Variants in DNAH11 observed in about 807,000 individuals in gnomAD.
DNAH11 encodes dynein axonemal heavy chain 11, also known as axonemal beta dynein heavy chain 11.
Under a neutral mutation model 526.0 loss-of-function variants are expected in DNAH11, and 442 were observed. That is an observed-to-expected ratio of 0.84 (90% CI 0.78 to 0.91). The LOEUF (loss-of-function observed/expected upper bound fraction) is 0.91. Ranked by LOEUF, DNAH11 falls within the 40% of genes least tolerant of loss-of-function variation. DNAH11 has a pLI of 0.00. For missense variants in DNAH11, 6,989 were observed against 5,448.7 expected, an observed-to-expected ratio of 1.28 and a Z score of -8.90; for synonymous variants, 2,461 against 1,935.9, an observed-to-expected ratio of 1.27 and a Z score of -7.12.
chr7:21,762,017 G>T (rs117664672), intron 54 of DNAH11, among the ~76,000 whole-genome samples: 1 of 152,164 alleles, frequency 6.6e-6, no homozygotes, highest in South Asian at 2.1e-4. Flanking sequence ...TCAGATGGCC[G>T]CATCTGAAGT....
chr7:21,791,023 G>A (rs535860399), intron 61 of DNAH11, among the ~76,000 whole-genome samples: 62 of 152,304 alleles, frequency 4.1e-4, no homozygotes, highest in African/African-American at 1.4e-3. Flanking sequence ...ATCCTGTTAT[G>A]GCCTCAGCTC....
At chr7:21,849,376 A>G (rs763347904) in intron 66 of DNAH11, among the ~76,000 whole-genome samples, 2 of 152,200 alleles carry the variant, frequency 1.3e-5, no homozygotes, top group Admixed American at 6.5e-5. Context: ...ATAAACTAAC[A>G]TATTTTATCT....
At chr7:21,864,226 A>T (rs1203073201) in intron 69 of DNAH11, among the ~76,000 whole-genome samples, 1 of 152,228 alleles carries the variant, frequency 6.6e-6, no homozygotes, top group Non-Finnish European at 1.5e-5. Flanking sequence ...AAGTGTTAAG[A>T]CAAGTTTGAT....
chr7:21,672,916 A>C (rs1015760209), intron 30 of DNAH11, among the ~76,000 whole-genome samples: 1 of 152,180 alleles, frequency 6.6e-6, no homozygotes, highest in Admixed American at 6.6e-5. Context: ...ATTGTCCTAC[A>C]TGGTGAACCC....
intron 70 of DNAH11, among the ~76,000 whole-genome samples, chr7:21,864,920 G>T (rs1312763962): frequency 6.6e-6 from 1 of 152,166 alleles, no homozygotes; most frequent in Non-Finnish European, 1.5e-5. Flanking sequence ...TTTGATAAAA[G>T]CCAAGTGATA....
intron 2 of DNAH11, among the ~76,000 whole-genome samples, chr7:21,556,714 G>C (rs10235643): frequency 1 from 151,830 of 152,274 alleles, 75,697 homozygotes; most frequent in East Asian, 1. Context: ...TCTGTTGTTC[G>C]TTTCTTTGTG....
chr7:21,813,482 C>G (rs529252097), intron 63 of DNAH11, among the ~76,000 whole-genome samples: 60 of 152,292 alleles, frequency 3.9e-4, no homozygotes, highest in Non-Finnish European at 8.2e-4. Context: ...TAAAGCCTTA[C>G]ATAAACATGA....
intron 46 of DNAH11, 60 bp from the exon 47 acceptor site, chr7:21,738,641 A>G (rs1785726294): frequency 1.4e-6 from 2 of 1,472,622 alleles, no homozygotes; most frequent in Non-Finnish European, 1.8e-6. Context: ...CAAGAGAAAA[A>G]TGACTAAATG....
At chr7:21,711,252 C>T (rs1435265186) in intron 41 of DNAH11, among the ~76,000 whole-genome samples, 1 of 152,150 alleles carries the variant, frequency 6.6e-6, no homozygotes, top group African/African-American at 2.4e-5. Flanking sequence ...ATCATCATTA[C>T]TCCAGAGAAG....
chr7:21,816,646 G>C lies in DNAH11; in HGVS notation c.10512G>C (p.Lys3504Asn). Residue 3504 changes from lysine to asparagine, a missense_variant, in exon 64 of 82, where the codon AAG (lysine) becomes AAC (asparagine). Coordinates refer to ENST00000409508, the MANE Select transcript of DNAH11 (RefSeq NM_001277115.2). Reference protein sequence around the residue: ...LVIDPQQQGIKWIKNKYGMDL... With the variant: ...LVIDPQQQGINWIKNKYGMDL... The stretch of plus-strand genomic sequence containing the variant: ...TAGATCCCCAGCAACAGGGAATTAA[G>C]TGGATCAAGAATAAGTATGGAATGG... 1 of 1,613,744 alleles carries C rather than the reference G, an allele frequency of 6.2e-7. No homozygotes were observed. Among genetic ancestry groups the C allele is most frequent in the Non-Finnish European group, 8.5e-7 (1 of 1,179,766 alleles).
At chr7:21,843,428 A>G (rs575642037) in intron 66 of DNAH11, among the ~76,000 whole-genome samples, 1 of 152,124 alleles carries the variant, frequency 6.6e-6, no homozygotes. Flanking sequence ...ACAAAGGCAT[A>G]TAACTACACA....
At chr7:21,589,187 A>G (rs769307471) in intron 11 of DNAH11, 21 bp from the exon 12 acceptor site, 2 of 1,575,068 alleles carry the variant, frequency 1.3e-6, no homozygotes, top group Non-Finnish European at 1.7e-6. Flanking sequence ...ATAAACCAGT[A>G]GAAAAACCTT....
rs542362039 is a variant in DNAH11 at position 21,822,163 on chromosome 7, A to AT, written c.10691+3832dup. Among the ~76,000 whole-genome samples, 92 of 151,912 alleles carry AT rather than the reference A, an allele frequency of 6.1e-4. No homozygotes were observed. The South Asian group carries it at 0.018, about 29-fold the overall frequency. On this transcript the variant is annotated intron_variant, in intron 65 of 81. Transcript: ENST00000409508. ...CTGAGACTGGGTAATTTATTTATTT[A>AT]TTTTTTTTAAAAAGAGTTTGATTTA...
At chr7:21,608,499 C>G (rs1013572786) in intron 20 of DNAH11, among the ~76,000 whole-genome samples, 1 of 152,094 alleles carries the variant, frequency 6.6e-6, no homozygotes, top group Non-Finnish European at 1.5e-5. Flanking sequence ...ACCTCTCTTT[C>G]CAAATTTTGG....
intron 61 of DNAH11, among the ~76,000 whole-genome samples, chr7:21,797,208 T>C (rs1583705639): frequency 6.6e-6 from 1 of 152,146 alleles, no homozygotes. Flanking sequence ...GATTATATAT[T>C]TGCTTTGAAC....
At chr7:21,647,662 A>G (rs942935472) in intron 28 of DNAH11, among the ~76,000 whole-genome samples, 2 of 151,718 alleles carry the variant, frequency 1.3e-5, no homozygotes, top group African/African-American at 4.8e-5. Context: ...TGATCTCCTG[A>G]CCTTGTGATC....
intron 37 of DNAH11, among the ~76,000 whole-genome samples, chr7:21,704,173 CAG>C (rs1784169789): frequency 6.6e-6 from 1 of 152,170 alleles, no homozygotes; most frequent in Non-Finnish European, 1.5e-5. Context: ...AAGATCAAAA[CAG>C]ATCATTGGCA....
intron 65 of DNAH11, among the ~76,000 whole-genome samples, chr7:21,825,190 G>A (rs150959155): frequency 1.4e-3 from 207 of 152,230 alleles, no homozygotes; most frequent in African/African-American, 4.8e-3. Flanking sequence ...GATATTCAAT[G>A]ATATGACTGA....
chr7:21,748,512 T>C, intron 51 of DNAH11, 68 bp from the exon 52 acceptor site: 1 of 1,307,310 alleles, frequency 7.6e-7, no homozygotes, highest in Non-Finnish European at 9.8e-7. Flanking sequence ...TAAATAAAAA[T>C]AAACAGAACA....
Sources: gnomAD v4.1 joint callset for allele counts (sites outside exome capture counted in the v4.1 genomes callset) on GRCh38, gnomAD v4.1.1 for gene constraint, MANE v1.5 for transcripts, NCBI Gene and HGNC (gene_info 2026-07-23, HGNC 2026-07-21) for gene names.